The following PPP3CA variants were observed in gnomAD, a reference collection of about 807,000 sequenced individuals.
PPP3CA encodes protein phosphatase 3 catalytic subunit alpha.
A neutral mutation model predicts 66.5 loss-of-function variants in PPP3CA; 14 were observed. The ratio of observed to expected loss-of-function variants is 0.21; its 90% CI spans 0.14 to 0.33. The LOEUF (loss-of-function observed/expected upper bound fraction) is 0.33, where lower values mean the gene tolerates loss of function less well. PPP3CA is among the 10% of genes least tolerant of loss of function. The probability of loss-of-function intolerance (pLI) is 1.00; values close to 1 mark genes in which losing one functional copy is unlikely to be tolerated. For missense variants in PPP3CA, 317 were observed against 639.5 expected, an observed-to-expected ratio of 0.50 and a Z score of 5.44; for synonymous variants, 232 against 226.2, an observed-to-expected ratio of 1.03 and a Z score of -0.23.
At chr4:101,294,721 T>C (rs969818090) in intron 1 of PPP3CA, among the ~76,000 whole-genome samples, 3 of 152,032 alleles carry the variant, frequency 2.0e-5, no homozygotes, top group South Asian at 2.1e-4. Context: ...TTCTGTGTTG[T>C]GGGGGGAGTT....
At chr4:101,098,571 T>C in intron 4 of PPP3CA, 59 bp from the exon 5 acceptor site, 2 of 1,502,120 alleles carry the variant, frequency 1.3e-6, no homozygotes, top group Non-Finnish European at 1.8e-6. Context: ...TTCACTGAAA[T>C]AGTTTTGGTT....
chr4:101,190,933 A>G (rs1250368644), intron 2 of PPP3CA, among the ~76,000 whole-genome samples: 1 of 152,228 alleles, frequency 6.6e-6, no homozygotes, highest in East Asian at 1.9e-4. Flanking sequence ...GCAGGAAAAC[A>G]TTGTAGTCAC....
chr4:101,053,878 G>C lies in PPP3CA; in HGVS notation c.1156+7209C>G, dbSNP rs140263382. On this transcript the variant is annotated intron_variant, in intron 10 of 13. Coordinates refer to ENST00000394854, the MANE Select transcript of PPP3CA (RefSeq NM_000944.5). ...TTTTTCTTAACAATATTTTTGTTCA[G>C]ATCTTGTCACTGCAACTTCAAGATA... is the stretch of plus-strand genomic sequence containing the variant. Among the ~76,000 whole-genome samples, 330 of 152,040 alleles carry C rather than the reference G, an allele frequency of 2.2e-3. 1 individual carries two copies. Among genetic ancestry groups the C allele is most frequent in the African/African-American group, 7.8e-3 (324 of 41,528 alleles).
At chr4:101,162,509 G>A (rs973333726) in intron 2 of PPP3CA, among the ~76,000 whole-genome samples, 2 of 150,750 alleles carry the variant, frequency 1.3e-5, no homozygotes, top group Admixed American at 6.7e-5. Flanking sequence ...CAGCCTGGGC[G>A]ACAGAGCAAG....
At position 101,148,242 on chromosome 4, in the gene PPP3CA, T is replaced by C. The variant is rs533609431; in HGVS notation, c.260-39164A>G. 1.1e-3 allele frequency among the ~76,000 whole-genome samples: 161 copies of C among 152,266 alleles called. 1 individual carries two copies. Among genetic ancestry groups the C allele is most frequent in the Non-Finnish European group, 1.8e-3 (121 of 67,958 alleles). ...AAAGTAAAGCCAAGAAGGGTGAATA[T>C]GGATTTTAAAGAATTATCTGAATAT... On this transcript the variant is annotated intron_variant, in intron 2 of 13. Coordinates refer to ENST00000394854, the MANE Select transcript of PPP3CA (RefSeq NM_000944.5).
rs1006879073 is a variant in PPP3CA, at chr4:101,024,272, T to C, written c.*1593A>G. 1 of 152,414 alleles carries C rather than the reference T, an allele frequency of 6.6e-6. No homozygotes were observed. Among genetic ancestry groups the C allele is most frequent in the Non-Finnish European group, 1.5e-5 (1 of 68,038 alleles). 9.4% of individuals were successfully genotyped at this position (152,414 alleles called of 1,614,324 possible). A position where few individuals can be genotyped will look rare whatever the true frequency, so the allele number is the denominator to read the frequency against. ...GGTGGGCCAGCACCTAGAAGACACATGGTGGTTGTGCACATAAATCCCTTC... is the reference window on the plus strand; with the variant it reads ...GGTGGGCCAGCACCTAGAAGACACACGGTGGTTGTGCACATAAATCCCTTC... On this transcript the variant is annotated 3_prime_UTR_variant, in exon 14 of 14. Transcript: ENST00000394854.
At chr4:101,141,635 C>A (rs1019861146) in intron 2 of PPP3CA, among the ~76,000 whole-genome samples, 4 of 152,186 alleles carry the variant, frequency 2.6e-5, no homozygotes, top group Admixed American at 2.6e-4. Context: ...TCAGAAAGGT[C>A]TTCCCTGATC....
intron 2 of PPP3CA, among the ~76,000 whole-genome samples, chr4:101,178,626 T>C (rs6837819): frequency 2.1e-3 from 315 of 152,216 alleles, no homozygotes; most frequent in African/African-American, 7.2e-3. Flanking sequence ...CATTCTAAAT[T>C]GCATAATTAT....
At position 101,222,878 on chromosome 4, in the gene PPP3CA, T is replaced by C. The variant is rs1578568150; in HGVS notation, c.59-26762A>G. ...GAAACACAGTTATCAAGAGCTAGAT[T>C]AGCTGCAAAGACACAAGTTAAAATT... On this transcript the variant is annotated intron_variant, in intron 1 of 13. Transcript: ENST00000394854. Among the ~76,000 whole-genome samples, 3 of 151,888 alleles carry C rather than the reference T, an allele frequency of 2.0e-5. No individual in the cohort carries two copies. The East Asian group carries it at 5.8e-4, about 30-fold the overall frequency.
chr4:101,107,505 T>G (rs1278687030), intron 3 of PPP3CA, among the ~76,000 whole-genome samples: 1 of 152,222 alleles, frequency 6.6e-6, no homozygotes, highest in Non-Finnish European at 1.5e-5. Context: ...TAACTTCTCT[T>G]TTGGGATTTA....
At chr4:101,309,068 A>G (rs1395999495) in intron 1 of PPP3CA, among the ~76,000 whole-genome samples, 1 of 152,136 alleles carries the variant, frequency 6.6e-6, no homozygotes, top group East Asian at 1.9e-4. Context: ...TTGAGGCTAC[A>G]GTGAGCCATG....
chr4:101,054,167 C>T (rs1728128122), intron 10 of PPP3CA, among the ~76,000 whole-genome samples: 1 of 148,872 alleles, frequency 6.7e-6, no homozygotes, highest in Admixed American at 6.7e-5. Flanking sequence ...TCCCCCTAAA[C>T]TGTACAGGCT....
chr4:101,108,641 G>A (rs906605560), intron 3 of PPP3CA, among the ~76,000 whole-genome samples: 7 of 151,988 alleles, frequency 4.6e-5, no homozygotes, highest in Middle Eastern at 3.4e-3. Flanking sequence ...TGGTGGGCGC[G>A]TGTAATCCCA....
At chr4:101,053,364 A>G (rs1728091783) in intron 10 of PPP3CA, among the ~76,000 whole-genome samples, 1 of 152,130 alleles carries the variant, frequency 6.6e-6, no homozygotes. Flanking sequence ...AATATTTTTA[A>G]GTAGCTGTTG....
intron 8 of PPP3CA, among the ~76,000 whole-genome samples, chr4:101,075,697 T>A (rs562340300): frequency 6.6e-6 from 1 of 152,190 alleles, no homozygotes; most frequent in Non-Finnish European, 1.5e-5. Context: ...AATGTTCACA[T>A]CTGCCACTCT....
At chr4:101,220,299 G>GTTTTTTTTTTT (rs33967695) in intron 1 of PPP3CA, among the ~76,000 whole-genome samples, 5 of 147,520 alleles carry the variant, frequency 3.4e-5, no homozygotes, top group South Asian at 2.1e-4. Context: ...TTGACAGCAC[G>GTTTTTTTTTTT]TTTTTTTTTT....
At chr4:101,304,381 G>T (rs182871696) in intron 1 of PPP3CA, among the ~76,000 whole-genome samples, 13 of 152,158 alleles carry the variant, frequency 8.5e-5, no homozygotes, top group African/African-American at 3.1e-4. Context: ...ACTATGTACT[G>T]GAACCTGTTT....
intron 1 of PPP3CA, among the ~76,000 whole-genome samples, chr4:101,300,046 T>C (rs192932334): frequency 1.4e-4 from 21 of 152,310 alleles, no homozygotes; most frequent in Admixed American, 5.2e-4. Context: ...CCCAGAAACA[T>C]AGTCTACTAA....
At chr4:101,056,432 A>G (rs1560580906) in intron 10 of PPP3CA, among the ~76,000 whole-genome samples, 1 of 152,150 alleles carries the variant, frequency 6.6e-6, no homozygotes, top group Non-Finnish European at 1.5e-5. Context: ...GGAAATGAGG[A>G]GCATCTCTAA....
Sources: gnomAD v4.1 joint callset for allele counts (sites outside exome capture counted in the v4.1 genomes callset) on GRCh38, gnomAD v4.1.1 for gene constraint, MANE v1.5 for transcripts, NCBI Gene and HGNC (gene_info 2026-07-23, HGNC 2026-07-21) for gene names.